Variants in EIPR1 observed in about 807,000 individuals in gnomAD.
EIPR1 encodes EARP complex and GARP complex interacting protein 1.
In EIPR1, 25 loss-of-function variants were observed where a neutral mutation model predicts 48.1. The observed-to-expected ratio is 0.52, with a 90% CI of 0.38 to 0.73. The LOEUF (loss-of-function observed/expected upper bound fraction) is 0.73. Among genes scored for constraint, EIPR1 ranks in the 30% least tolerant of loss-of-function variants. The probability of loss-of-function intolerance (pLI) is 0.00; values close to 1 mark genes in which losing one functional copy is unlikely to be tolerated. For synonymous variants in EIPR1, 204 were observed against 201.9 expected (o/e 1.01, Z -0.09); for missense variants, 415 against 506.2 (o/e 0.82, Z 1.73).
At chr2:3,233,672 C>A (rs1415478141) in intron 4 of EIPR1, among the ~76,000 whole-genome samples, 1 of 152,208 alleles carries the variant, frequency 6.6e-6, no homozygotes, top group Non-Finnish European at 1.5e-5. Context: ...GCTTCTCACA[C>A]ATCTGTGAAT....
intron 2 of EIPR1, among the ~76,000 whole-genome samples, chr2:3,351,706 CACAT>C (rs897340637): frequency 2.0e-5 from 3 of 152,126 alleles, no homozygotes; most frequent in African/African-American, 7.2e-5. Context: ...AAAAGTAACA[CACAT>C]ACATACATAC....
chr2:3,299,618 T>TCACACACA (rs1212478991), intron 3 of EIPR1, among the ~76,000 whole-genome samples: 5 of 125,976 alleles, frequency 4.0e-5, no homozygotes, highest in African/African-American at 1.2e-4. Flanking sequence ...TCTCTCTCTC[T>TCACACACA]CTCTCTCACA....
rs73131407 is a variant in EIPR1 at position 3,198,169 on chromosome 2, C to T, written c.517-1152G>A. ...CAGTTCCCAGTGAGAAATAGGGCAC[C>T]GTCTAAGCCACAGGTAAAGGGCTTT... is the stretch of plus-strand genomic sequence containing the variant. On this transcript the variant is annotated intron_variant, in intron 5 of 8. Transcript: ENST00000382125. 1.0e-2 allele frequency among the ~76,000 whole-genome samples: 1,519 copies of T among 152,284 alleles called. 31 individuals are homozygous for T. The highest frequency in any genetic ancestry group is 0.034 in the African/African-American group (1,429 of 41,552).
At chr2:3,238,929 G>A (rs1189341502) in intron 4 of EIPR1, among the ~76,000 whole-genome samples, 1 of 152,236 alleles carries the variant, frequency 6.6e-6, no homozygotes, top group Non-Finnish European at 1.5e-5. Flanking sequence ...GAGCCAGCCA[G>A]CCCGGGATGG....
chr2:3,212,573 T>C (rs555550373), intron 5 of EIPR1, among the ~76,000 whole-genome samples: 1 of 152,270 alleles, frequency 6.6e-6, no homozygotes, highest in East Asian at 1.9e-4. Flanking sequence ...TGGAGGTTTA[T>C]AGTTATGTAG....
chr2:3,266,819 G>C (rs1369907106), intron 3 of EIPR1, among the ~76,000 whole-genome samples: 1 of 152,222 alleles, frequency 6.6e-6, no homozygotes, highest in Non-Finnish European at 1.5e-5. Context: ...AGACAGGCAG[G>C]CTGCTCAGCC....
At position 3,377,769 on chromosome 2, in the gene EIPR1, G is replaced by T; in HGVS notation, c.-80C>A. On this transcript the variant is annotated 5_prime_UTR_variant, in exon 1 of 9. Coordinates refer to ENST00000382125, the MANE Select transcript of EIPR1 (RefSeq NM_003310.5). ...GCCGGCGCGTCCCCACCTCGCGGGC[G>T]TGTTCCCAGCGCCCATTCATTCCCT... The T allele has an allele frequency of 1.3e-6, 2 of 1,514,796 alleles. No homozygotes were observed. Among genetic ancestry groups the T allele is most frequent in the Non-Finnish European group, 1.8e-6 (2 of 1,118,230 alleles). 93.8% of individuals were successfully genotyped at this position (1,514,796 alleles called of 1,614,324 possible).
intron 3 of EIPR1, among the ~76,000 whole-genome samples, chr2:3,284,133 A>G (rs1269162564): frequency 1.3e-5 from 2 of 151,722 alleles, no homozygotes; most frequent in African/African-American, 2.4e-5. Flanking sequence ...AGGTGGGCAC[A>G]TGGAGATGGG....
At chr2:3,262,528 G>T (rs1489357325) in intron 3 of EIPR1, among the ~76,000 whole-genome samples, 1 of 152,252 alleles carries the variant, frequency 6.6e-6, no homozygotes, top group Non-Finnish European at 1.5e-5. Flanking sequence ...TGCTGGGGTA[G>T]CACGTAAGGC....
chr2:3,256,197 A>G (rs1467002947), intron 4 of EIPR1, among the ~76,000 whole-genome samples: 2 of 152,198 alleles, frequency 1.3e-5, no homozygotes, highest in Admixed American at 6.5e-5. Context: ...GACCCTCAGC[A>G]CTGCTCTCCT....
intron 3 of EIPR1, among the ~76,000 whole-genome samples, chr2:3,302,602 G>A (rs1017636943): frequency 3.3e-5 from 5 of 152,248 alleles, no homozygotes; most frequent in South Asian, 2.1e-4. Context: ...TGAAGACAGC[G>A]ATGGCAGTGA....
intron 3 of EIPR1, among the ~76,000 whole-genome samples, chr2:3,330,242 A>C (rs1669845330): frequency 6.6e-6 from 1 of 152,266 alleles, no homozygotes; most frequent in African/African-American, 2.4e-5. Flanking sequence ...CTCTGCAAAC[A>C]TGTTTTTCAA....
chr2:3,341,948 T>C (rs1483555708), intron 2 of EIPR1, among the ~76,000 whole-genome samples: 3 of 152,230 alleles, frequency 2.0e-5, no homozygotes, highest in African/African-American at 7.2e-5. Flanking sequence ...AATTTCATCA[T>C]ACTAATTAAT....
intron 1 of EIPR1, among the ~76,000 whole-genome samples, chr2:3,360,221 T>C (rs1484726627): frequency 6.6e-6 from 1 of 152,036 alleles, no homozygotes; most frequent in Non-Finnish European, 1.5e-5. Flanking sequence ...CTGGCCAACA[T>C]GGTGAAAACC....
chr2:3,320,430 G>C (rs1032657378), intron 3 of EIPR1: 1 of 153,960 alleles, frequency 6.5e-6, no homozygotes, highest in Admixed American at 6.5e-5. Flanking sequence ...TGCATACAAA[G>C]TCCCAGAGGC....
At chr2:3,299,091 G>A (rs1338756089) in intron 3 of EIPR1, among the ~76,000 whole-genome samples, 2 of 152,162 alleles carry the variant, frequency 1.3e-5, no homozygotes, top group Non-Finnish European at 2.9e-5. Flanking sequence ...ATTTAAAATG[G>A]GGGTTCTCAT....
At chr2:3,208,580 C>A in intron 5 of EIPR1, 2 of 1,550,548 alleles carry the variant, frequency 1.3e-6, no homozygotes, top group Non-Finnish European at 1.7e-6. Flanking sequence ...TCCTTATTAC[C>A]CTCTCCAAAG....
At chr2:3,329,227 C>T (rs1669807650) in intron 3 of EIPR1, among the ~76,000 whole-genome samples, 1 of 137,386 alleles carries the variant, frequency 7.3e-6, no homozygotes, top group Non-Finnish European at 1.5e-5. Flanking sequence ...CCACCAGGCT[C>T]TAGTGATCTC....
intron 3 of EIPR1, among the ~76,000 whole-genome samples, chr2:3,302,965 T>A (rs998534011): frequency 2.6e-5 from 4 of 152,134 alleles, no homozygotes; most frequent in Non-Finnish European, 5.9e-5. Flanking sequence ...GAAATCTGAC[T>A]CCGTTTTTTT....
Sources: allele counts gnomAD v4.1 joint callset (sites outside exome capture counted in the v4.1 genomes callset), GRCh38; gene constraint gnomAD v4.1.1; transcripts MANE v1.5; gene names NCBI Gene and HGNC (gene_info 2026-07-23, HGNC 2026-07-21).